Variants in PCDHGA4 observed in about 807,000 individuals in gnomAD.
PCDHGA4 encodes protocadherin gamma-A4.
Under a neutral mutation model 54.6 loss-of-function variants are expected in PCDHGA4, and 38 were observed. That is an observed-to-expected ratio of 0.70 (90% CI 0.54 to 0.91). PCDHGA4 has a LOEUF of 0.91. Among genes scored for constraint, PCDHGA4 ranks in the 40% least tolerant of loss-of-function variants. PCDHGA4 has a pLI of 0.00. For missense variants in PCDHGA4, 1,298 were observed against 1,220.9 expected, an observed-to-expected ratio of 1.06 and a Z score of -0.94; for synonymous variants, 511 against 512.9, an observed-to-expected ratio of 1.00 and a Z score of 0.05.
At chr5:141,460,666 C>G (rs1245201344) in intron 1 of PCDHGA4, among the ~76,000 whole-genome samples, 1 of 151,670 alleles carries the variant, frequency 6.6e-6, no homozygotes, top group South Asian at 2.1e-4. Context: ...ACTGTAAACA[C>G]AGTTATATAT....
At chr5:141,365,026 C>T in intron 1 of PCDHGA4, 1 of 1,613,890 alleles carries the variant, frequency 6.2e-7, no homozygotes, top group Admixed American at 1.7e-5. Flanking sequence ...GTGTTACGGT[C>T]CTCGACGCAA....
chr5:141,432,138 A>C lies in PCDHGA4; in HGVS notation c.2515-62669A>C, dbSNP rs2097456794. On this transcript the variant is annotated intron_variant, in intron 1 of 3. Coordinates refer to ENST00000571252, the MANE Select transcript of PCDHGA4 (RefSeq NM_018917.4). The surrounding 1 kb of genome is among the most constrained non-coding windows in gnomAD (Gnocchi z 6.0). ...TTCCCTCAGGCCTCCTATTCCGCTT[A>C]TATCCCAGAGAACAATCCCAGAGGA... 1 of 1,613,954 alleles carries C rather than the reference A, an allele frequency of 6.2e-7. No individual in the cohort carries two copies. Among genetic ancestry groups the C allele is most frequent in the African/African-American group, 1.3e-5 (1 of 74,882 alleles).
Position 141,477,918 on chromosome 5 carries a change from G to A in PCDHGA4, c.2515-16889G>A. 1 of 1,614,154 alleles carries A rather than the reference G, an allele frequency of 6.2e-7. No individual in the cohort carries two copies. Among genetic ancestry groups the A allele is most frequent in the Admixed American group, 1.7e-5 (1 of 60,026 alleles). ...GTGGTAGGCTGGGACGCGGATGCAG[G>A]GCACAATGCCTGGCTCTCCTACAGT... is the stretch of plus-strand genomic sequence containing the variant. On this transcript the variant is annotated intron_variant, in intron 1 of 3. Coordinates refer to ENST00000571252, the MANE Select transcript of PCDHGA4 (RefSeq NM_018917.4). The surrounding 1 kb of genome is among the most constrained non-coding windows in gnomAD (Gnocchi z 4.9).
chr5:141,431,460 A>T lies in PCDHGA4; in HGVS notation c.2515-63347A>T, dbSNP rs761879594. On this transcript the variant is annotated intron_variant, in intron 1 of 3. Transcript: ENST00000571252. This position sits in a 1 kb window ranked among gnomAD's most constrained non-coding sequence, Gnocchi z 4.8. The stretch of plus-strand genomic sequence containing the variant: ...GCGCGCATCCGCGTGATGGTTCTGG[A>T]TGCGAACGACAACGCACCAGCGTTT... The T allele has an allele frequency of 6.2e-7, 1 of 1,613,794 alleles. No individual in the cohort carries two copies. The highest frequency in any genetic ancestry group is 1.7e-5 in the Admixed American group (1 of 60,032).
intron 2 of PCDHGA4, among the ~76,000 whole-genome samples, chr5:141,504,268 T>A (rs539485141): frequency 2.2e-4 from 34 of 152,348 alleles, no homozygotes; most frequent in Admixed American, 1.3e-3. Context: ...AGTATTTTTT[T>A]AAATTATGAA....
intron 1 of PCDHGA4, chr5:141,422,727 G>T (rs373180311): frequency 6.3e-5 from 102 of 1,606,434 alleles, no homozygotes; most frequent in Non-Finnish European, 2.0e-5. Context: ...TCCAGGGGGT[G>T]CCTCTGTCCT....
intron 1 of PCDHGA4, chr5:141,423,830 G>A (rs527344048): frequency 5.5e-6 from 7 of 1,273,204 alleles, no homozygotes; most frequent in African/African-American, 3.1e-5. Flanking sequence ...CCTTTCATGA[G>A]ATTACGATAA....
chr5:141,433,643 C>A (rs899772934), intron 1 of PCDHGA4, among the ~76,000 whole-genome samples: 13 of 152,070 alleles, frequency 8.5e-5, no homozygotes, highest in African/African-American at 2.7e-4. Context: ...TGAGACCAGC[C>A]TGACCAACAT....
intron 1 of PCDHGA4, chr5:141,385,035 G>C: frequency 6.2e-7 from 1 of 1,614,164 alleles, no homozygotes; most frequent in East Asian, 2.2e-5. Context: ...TCGTACTGCT[G>C]GCGCTCAGGC....
At chr5:141,418,912 ACT>A (rs1457793463) in intron 1 of PCDHGA4, 2 of 1,613,770 alleles carry the variant, frequency 1.2e-6, no homozygotes, top group Non-Finnish European at 1.7e-6. Flanking sequence ...TCATCACGTC[ACT>A]CTCTGATCAG....
At chr5:141,359,997 C>A in intron 1 of PCDHGA4, 1 of 1,120,990 alleles carries the variant, frequency 8.9e-7, no homozygotes, top group Non-Finnish European at 1.2e-6. Context: ...GAACTTCCTG[C>A]ACAAACCAAC....
chr5:141,447,738 A>C (rs1365302023), intron 1 of PCDHGA4, among the ~76,000 whole-genome samples: 7 of 152,216 alleles, frequency 4.6e-5, no homozygotes, highest in Non-Finnish European at 8.8e-5. Context: ...ATTGAACTTA[A>C]GAGTCTTGCA....
Position 141,362,300 on chromosome 5 carries a change from A to G in PCDHGA4, c.2514+4679A>G, listed in dbSNP as rs1411423412. 3 of 1,613,936 alleles carry G rather than the reference A, an allele frequency of 1.9e-6. No individual in the cohort carries two copies. In the East Asian group the frequency reaches 6.7e-5, roughly 36 times the overall value. The stretch of plus-strand genomic sequence containing the variant: ...CGCCTGCGACTCTCTTCCAGGTCAG[A>G]TGCTTGGGACTGTTTTCAGCCTGGT... On this transcript the variant is annotated intron_variant, in intron 1 of 3. Transcript: ENST00000571252.
chr5:141,372,682 C>G, intron 1 of PCDHGA4: 1 of 1,614,010 alleles, frequency 6.2e-7, no homozygotes, highest in Non-Finnish European at 8.5e-7. Context: ...TCCTCAAACA[C>G]CGAGTTTAAA....
Position 141,393,858 on chromosome 5 carries a change from A to G in PCDHGA4, c.2514+36237A>G, listed in dbSNP as rs777304987. The G allele has an allele frequency of 1.2e-5, 20 of 1,613,912 alleles. No homozygotes were observed. Among genetic ancestry groups the G allele is most frequent in the Admixed American group, 8.3e-5 (5 of 60,008 alleles). On this transcript the variant is annotated intron_variant, in intron 1 of 3. Transcript: ENST00000571252. ...AAATGACAATAGACCAGAAGTGATC[A>G]TTACGTCTTTGTTTAGCCCAGTGTT...
rs751302023 is a variant in PCDHGA4 at position 141,364,590 on chromosome 5, C to A, written c.2514+6969C>A. 3.1e-6 allele frequency: 5 copies of A among 1,614,196 alleles called. No homozygotes were observed. The South Asian group carries it at 3.3e-5, about 11-fold the overall frequency. ...CCGCGAAGCGGCAGCTTGGTCACCG[C>A]GGGCAGGATAGACCGGGAGGAGCTC... On this transcript the variant is annotated intron_variant, in intron 1 of 3. Coordinates refer to ENST00000571252, the MANE Select transcript of PCDHGA4 (RefSeq NM_018917.4).
Position 141,356,147 on chromosome 5 carries a change from A to G in PCDHGA4, c.1040A>G (p.Asp347Gly), listed in dbSNP as rs1208276998. 19 of 1,613,404 alleles carry G rather than the reference A, an allele frequency of 1.2e-5. No homozygotes were observed. The highest frequency in any genetic ancestry group is 1.5e-5 in the Non-Finnish European group (18 of 1,179,664). The change falls in exon 1 of 4, where the codon GAC (aspartate) becomes GGC (glycine). Residue 347 changes from aspartate (D) to glycine (G), a missense_variant. Asp to Gly is a moderately conservative substitution (Grantham distance 94). Transcript: ENST00000571252. ...GLDYEDSGFY[D>G]IDVEAHDGPG... ...GATTATGAGGACTCTGGATTCTATG[A>G]CATAGATGTAGAAGCCCATGATGGG...
intron 1 of PCDHGA4, among the ~76,000 whole-genome samples, chr5:141,438,655 T>C (rs1436221152): frequency 7.1e-6 from 1 of 140,042 alleles, no homozygotes; most frequent in Non-Finnish European, 1.5e-5. Flanking sequence ...CACACACATA[T>C]ATGTATATAT....
chr5:141,418,224 T>C (rs756997971), intron 1 of PCDHGA4: 1 of 1,613,998 alleles, frequency 6.2e-7, no homozygotes, highest in Non-Finnish European at 8.5e-7. Flanking sequence ...GTCATTGTGG[T>C]GATTGAGGAT....
Sources: gnomAD v4.1 joint callset for allele counts (sites outside exome capture counted in the v4.1 genomes callset) on GRCh38, gnomAD v4.1.1 for gene constraint, Gnocchi (gnomAD v3.1) non-coding constraint, MANE v1.5 for transcripts, NCBI Gene and HGNC (gene_info 2026-07-23, HGNC 2026-07-21) for gene names.